The following PRH1 variants were observed in gnomAD, a reference collection of about 807,000 sequenced individuals.
The protein encoded by PRH1 is proline rich protein HaeIII subfamily 1.
A neutral mutation model predicts 7.9 loss-of-function variants in PRH1; 7 were observed. The ratio of observed to expected loss-of-function variants is 0.89; its 90% CI spans 0.50 to 1.67. The LOEUF (loss-of-function observed/expected upper bound fraction) is 1.67. Among genes scored for constraint, PRH1 ranks in the 40% most tolerant of loss-of-function variants. The probability of loss-of-function intolerance (pLI) is 0.00; values close to 1 mark genes in which losing one functional copy is unlikely to be tolerated. For missense variants in PRH1, 109 were observed against 223.6 expected, an observed-to-expected ratio of 0.49 and a Z score of 3.27; for synonymous variants, 45 against 80.8, an observed-to-expected ratio of 0.56 and a Z score of 2.38.
Position 10,884,076 on chromosome 12 carries a change from C to G in PRH1, c.64+78G>C, listed in dbSNP as rs540067283. 26 of 1,560,802 alleles carry G rather than the reference C, an allele frequency of 1.7e-5. No individual in the cohort carries two copies. The African/African-American group carries it at 3.0e-4, about 18-fold the overall frequency. ...ATCTGTTTTCTCATCCTCCTCTCTT[C>G]CCTCCACTTTCCTCCTCTATAGCAT... On this transcript the variant is annotated intron_variant, in intron 1 of 3. Transcript: ENST00000543626.
intron 2 of PRH1, among the ~76,000 whole-genome samples, chr12:10,902,746 A>G (rs995010881): frequency 1.3e-5 from 2 of 152,178 alleles, no homozygotes; most frequent in African/African-American, 2.4e-5. Context: ...AAATTTTCCA[A>G]CCAATAATTG....
intron 1 of PRH1, among the ~76,000 whole-genome samples, chr12:11,069,409 A>G (rs1943964377): frequency 8.9e-6 from 1 of 112,424 alleles, no homozygotes; most frequent in Non-Finnish European, 2.1e-5. Context: ...GCATCATTGC[A>G]GAGATTGTAG....
At chr12:10,927,952 G>A (rs2135860198) in intron 2 of PRH1, among the ~76,000 whole-genome samples, 1 of 152,258 alleles carries the variant, frequency 6.6e-6, no homozygotes, top group Admixed American at 6.5e-5. Flanking sequence ...CAGGACCCTG[G>A]AAGGATTTTT....
At chr12:11,085,296 T>G (rs1944647763) in intron 1 of PRH1, among the ~76,000 whole-genome samples, 1 of 150,864 alleles carries the variant, frequency 6.6e-6, no homozygotes, top group Non-Finnish European at 1.5e-5. Flanking sequence ...CAGCATTGTT[T>G]AACAACTCCT....
chr12:11,098,914 T>C (rs993815737), intron 1 of PRH1, among the ~76,000 whole-genome samples: 5 of 152,206 alleles, frequency 3.3e-5, no homozygotes, highest in African/African-American at 1.2e-4. Context: ...CAAGAAGTTG[T>C]CCAGATGAAA....
chr12:11,133,142 C>CAT (rs1555171873), intron 1 of PRH1: 12 of 965,736 alleles, frequency 1.2e-5, no homozygotes, highest in Non-Finnish European at 1.6e-5. Flanking sequence ...CACACACACA[C>CAT]ATCTATATAT....
intron 1 of PRH1, among the ~76,000 whole-genome samples, chr12:10,991,705 T>TTA (rs1039482220): frequency 1.3e-5 from 2 of 152,212 alleles, no homozygotes; most frequent in Non-Finnish European, 2.9e-5. Context: ...ACATAATTGA[T>TTA]TAGAGATTGA....
At chr12:11,164,809 A>G (rs941421382) in intron 1 of PRH1, among the ~76,000 whole-genome samples, 2 of 152,176 alleles carry the variant, frequency 1.3e-5, no homozygotes, top group Non-Finnish European at 2.9e-5. Flanking sequence ...AATTATATGA[A>G]AAACCGTTTT....
At chr12:11,124,090 G>A (rs2597933) in intron 1 of PRH1, among the ~76,000 whole-genome samples, 34,636 of 151,928 alleles carry the variant, frequency 0.23, 4,002 homozygotes, top group Non-Finnish European at 0.24. Flanking sequence ...GAAAGAAACC[G>A]GAAATGAAGT....
At position 10,965,401 on chromosome 12, in the gene PRH1, C is replaced by G. The variant is rs548326224; in HGVS notation, c.-59+8254G>C. ...ATAAATGAAGGCCTAACAGCACTGG[C>G]TGTGATCCTTTAATATCCTGACCTT... On this transcript the variant is annotated intron_variant, in intron 2 of 3. Coordinates refer to the PRH1 transcript ENST00000539853. 118 of 784,426 alleles carry G rather than the reference C, an allele frequency of 1.5e-4. 1 individual carries two copies. The highest frequency in any genetic ancestry group is 2.1e-4 in the Non-Finnish European group (109 of 528,058). 48.6% of individuals were successfully genotyped at this position (784,426 alleles called of 1,614,324 possible).
At chr12:11,057,417 C>T (rs985374481) in intron 1 of PRH1, among the ~76,000 whole-genome samples, 13 of 152,152 alleles carry the variant, frequency 8.5e-5, no homozygotes, top group South Asian at 2.1e-4. Context: ...GAACTGGATA[C>T]GTATGGCAGC....
intron 1 of PRH1, among the ~76,000 whole-genome samples, chr12:11,069,124 C>T (rs1297881710): frequency 5.4e-5 from 8 of 148,950 alleles, no homozygotes; most frequent in Admixed American, 4.0e-4. Flanking sequence ...CACCATGTTT[C>T]CTAGGTTGGT....
intron 1 of PRH1, among the ~76,000 whole-genome samples, chr12:11,070,838 G>A (rs77612137): frequency 8.4e-6 from 1 of 119,398 alleles, no homozygotes. Flanking sequence ...TGTTATTTGC[G>A]TTGGCTTTTT....
At chr12:11,039,495 C>T (rs1474067073) in intron 1 of PRH1, among the ~76,000 whole-genome samples, 4 of 152,206 alleles carry the variant, frequency 2.6e-5, no homozygotes, top group Non-Finnish European at 5.9e-5. Context: ...ACTAGCATGC[C>T]AATGAAGAGT....
chr12:11,071,354 G>T (rs1449549583), intron 1 of PRH1, among the ~76,000 whole-genome samples: 1 of 152,104 alleles, frequency 6.6e-6, no homozygotes, highest in Non-Finnish European at 1.5e-5. Flanking sequence ...GTAGTGCAGG[G>T]GTTCAGTCAG....
At chr12:10,944,974 G>C (rs1326979635) in intron 2 of PRH1, among the ~76,000 whole-genome samples, 1 of 152,074 alleles carries the variant, frequency 6.6e-6, no homozygotes. Flanking sequence ...GTTTTGTTGA[G>C]GATTTTTGCA....
chr12:11,121,616 T>C (rs1197180353), intron 1 of PRH1, among the ~76,000 whole-genome samples: 15 of 152,186 alleles, frequency 9.9e-5, no homozygotes, highest in Admixed American at 9.2e-4. Flanking sequence ...TCATTCCTAT[T>C]ATACAAACGA....
chr12:10,987,093 A>T (rs1939682829), intron 1 of PRH1, among the ~76,000 whole-genome samples: 1 of 152,130 alleles, frequency 6.6e-6, no homozygotes, highest in Admixed American at 6.5e-5. Flanking sequence ...GCTCAAATTA[A>T]CTCATTCATT....
chr12:10,939,563 T>C (rs1950360303), intron 2 of PRH1, among the ~76,000 whole-genome samples: 1 of 150,962 alleles, frequency 6.6e-6, no homozygotes, highest in African/African-American at 2.4e-5. Flanking sequence ...TTTTTTTTTT[T>C]TTTTTTGTCT....
Sources: allele counts gnomAD v4.1 joint callset (sites outside exome capture counted in the v4.1 genomes callset), GRCh38; gene constraint gnomAD v4.1.1; transcripts MANE v1.5; gene names NCBI Gene and HGNC (gene_info 2026-07-23, HGNC 2026-07-21).